Variants in FARP1 observed in about 807,000 individuals in gnomAD.
FARP1 encodes the protein FERM, ARH/RhoGEF and pleckstrin domain protein 1, also known as FERM, ARHGEF and pleckstrin domain-containing protein 1.
A neutral mutation model predicts 128.8 loss-of-function variants in FARP1; 52 were observed. The ratio of observed to expected loss-of-function variants is 0.40; its 90% confidence interval spans 0.32 to 0.51. The LOEUF (loss-of-function observed/expected upper bound fraction) is 0.51. Among genes scored for constraint, FARP1 ranks in the 20% least tolerant of loss-of-function variants. The pLI is 0.45. For synonymous variants in FARP1, 580 were observed against 551.8 expected (o/e 1.05, Z -0.72); for missense variants, 1,333 against 1,367.9 (o/e 0.97, Z 0.40).
At chr13:98,210,300 C>T (rs1221009316) in intron 1 of FARP1, among the ~76,000 whole-genome samples, 1 of 151,976 alleles carries the variant, frequency 6.6e-6, no homozygotes, top group Non-Finnish European at 1.5e-5. Flanking sequence ...CACCATTGGG[C>T]CTGATGGTTC....
At chr13:98,197,995 C>T (rs2099906814) in intron 1 of FARP1, among the ~76,000 whole-genome samples, 1 of 152,138 alleles carries the variant, frequency 6.6e-6, no homozygotes, top group South Asian at 2.1e-4. Flanking sequence ...TGGAAACAAA[C>T]AATAATTCTT....
In FARP1 at chr13:98,410,789, G is replaced by A. The variant is rs377653936; in HGVS notation, c.1658G>A (p.Arg553Gln). 6.2e-6 allele frequency: 10 copies of A among 1,600,962 alleles called. No homozygotes were observed. The highest frequency in any genetic ancestry group is 2.2e-5 in the East Asian group (1 of 44,786). ...GCTAAGGAAGTGTCTACCACCGAGCGAACATATCTGAAGGATCTCGAAGTT... is the reference window on the plus strand; with the variant it reads ...GCTAAGGAAGTGTCTACCACCGAGCAAACATATCTGAAGGATCTCGAAGTT... ...FIAKEVSTTE[R>Q]TYLKDLEVIT... The change falls in exon 15 of 27, where the codon CGA (arginine) becomes CAA (glutamine). Residue 553 changes from arginine (R) to glutamine (Q), a missense_variant. By Grantham distance (43) the Arg-to-Gln change is conservative. Transcript: ENST00000319562.
At chr13:98,170,208 G>C (rs1877556591) in intron 1 of FARP1, among the ~76,000 whole-genome samples, 1 of 152,002 alleles carries the variant, frequency 6.6e-6, no homozygotes, top group African/African-American at 2.4e-5. Context: ...TTTTGATACA[G>C]AGTCTTACTC....
chr13:98,442,098 A>G (rs1430955449), intron 24 of FARP1, among the ~76,000 whole-genome samples: 2 of 152,190 alleles, frequency 1.3e-5, no homozygotes, highest in African/African-American at 4.8e-5. Context: ...TTTTATGTGA[A>G]TGCTCACGTT....
At chr13:98,304,673 C>A (rs1295331855) in intron 2 of FARP1, among the ~76,000 whole-genome samples, 1 of 152,182 alleles carries the variant, frequency 6.6e-6, no homozygotes, top group African/African-American at 2.4e-5. Context: ...CCTTCGCAGA[C>A]CAAACTGATG....
chr13:98,162,188 C>T (rs1876933760), intron 1 of FARP1, among the ~76,000 whole-genome samples: 1 of 152,114 alleles, frequency 6.6e-6, no homozygotes, highest in Non-Finnish European at 1.5e-5. Context: ...GAAAATAGAA[C>T]TGTAGCGGGA....
chr13:98,283,092 T>A (rs1275849613), intron 2 of FARP1, among the ~76,000 whole-genome samples: 1 of 152,226 alleles, frequency 6.6e-6, no homozygotes, highest in African/African-American at 2.4e-5. Flanking sequence ...AAGGACTTTA[T>A]GTGCACTTGA....
intron 25 of FARP1, 92 bp from the exon 26 acceptor site, chr13:98,446,574 C>A: frequency 7.3e-7 from 1 of 1,373,760 alleles, no homozygotes; most frequent in Non-Finnish European, 1.0e-6. Context: ...GCTGCCTGGG[C>A]TCCCAAGTCC....
chr13:98,147,720 G>A (rs1875675079), intron 1 of FARP1, among the ~76,000 whole-genome samples: 1 of 151,910 alleles, frequency 6.6e-6, no homozygotes, highest in African/African-American at 2.4e-5. Flanking sequence ...GTGCAGTGGT[G>A]ATCATGGCTC....
intron 3 of FARP1, among the ~76,000 whole-genome samples, chr13:98,360,090 CTTTTTTTTTTTTTT>C (rs55859311): frequency 1.9e-5 from 2 of 104,614 alleles, no homozygotes; most frequent in Admixed American, 1.1e-4. Flanking sequence ...GATTGTGTTG[CTTTTTTTTTTTTTT>C]TTTTTTTTTT....
intron 13 of FARP1, chr13:98,402,810 C>T (rs566288143): frequency 9.3e-4 from 113 of 120,968 alleles, no homozygotes; most frequent in African/African-American, 2.9e-3. Context: ...CCCTTCTGTT[C>T]TCTCTGTGTG....
intron 18 of FARP1, chr13:98,433,573 T>A (rs988977332): frequency 6.6e-5 from 10 of 152,078 alleles, no homozygotes; most frequent in African/African-American, 2.4e-4. Flanking sequence ...TACAAAAAAT[T>A]TAAAAATTAC....
intron 1 of FARP1, among the ~76,000 whole-genome samples, chr13:98,179,932 T>A (rs1297537159): frequency 1.3e-5 from 2 of 152,146 alleles, no homozygotes; most frequent in African/African-American, 4.8e-5. Context: ...GATTCCCACC[T>A]TTGGTTGTTC....
chr13:98,207,908 C>CACACACACACACA (rs1555327644), intron 1 of FARP1, among the ~76,000 whole-genome samples: 4 of 71,570 alleles, frequency 5.6e-5, no homozygotes, highest in African/African-American at 2.5e-4. Context: ...ACCACCACCT[C>CACACACACACACA]CACACACACA....
Position 98,446,668 on chromosome 13 carries a change from C to T in FARP1, c.2907C>T (p.Asp969=), listed in dbSNP as rs746393591. 3.1e-6 allele frequency: 5 copies of T among 1,614,102 alleles called. No individual in the cohort carries two copies. Among genetic ancestry groups the T allele is most frequent in the Non-Finnish European group, 4.2e-6 (5 of 1,179,996 alleles). ...FCLFFYKSHQ[D]NHPLASLPLL... ...TTTGCTTTGTTTCCCCTTTCCAGGA[C>T]AATCATCCCCTTGCCAGCCTGCCTC... Residue 969 remains aspartate (D), a splice_region_variant and synonymous_variant, in exon 26 of 27, where the codon GAC becomes GAT. Coordinates refer to ENST00000319562, the MANE Select transcript of FARP1 (RefSeq NM_005766.4).
In FARP1 at chr13:98,379,026, A is replaced by C. The variant is rs866482564; in HGVS notation, c.496+1108A>C. On this transcript the variant is annotated intron_variant, in intron 6 of 26. Coordinates refer to ENST00000319562, the MANE Select transcript of FARP1 (RefSeq NM_005766.4). ...ATACAATATATAATCTATATATAAT[A>C]TATATAATATATACAATATGTAATC... Among the ~76,000 whole-genome samples the C allele has an allele frequency of 6.8e-4, 60 of 87,686 alleles. 11 individuals carry two copies. Among genetic ancestry groups the C allele is most frequent in the Non-Finnish European group, 1.7e-4 (9 of 51,932 alleles). The allele number at this position is 87,686 out of a possible 152,430, so 57.5% of individuals were successfully genotyped here.
At chr13:98,181,583 C>T (rs1419222785) in intron 1 of FARP1, among the ~76,000 whole-genome samples, 2 of 149,938 alleles carry the variant, frequency 1.3e-5, no homozygotes, top group East Asian at 2.0e-4. Context: ...TAAATCTTAC[C>T]ATTTAGAAAT....
chr13:98,358,150 T>G (rs954352471), intron 3 of FARP1, among the ~76,000 whole-genome samples: 22 of 151,896 alleles, frequency 1.4e-4, no homozygotes, highest in African/African-American at 4.1e-4. Flanking sequence ...AAGTTTTTTT[T>G]GGGTATCTCT....
intron 2 of FARP1, among the ~76,000 whole-genome samples, chr13:98,264,131 G>T (rs994329974): frequency 6.6e-6 from 1 of 152,160 alleles, no homozygotes; most frequent in African/African-American, 2.4e-5. Flanking sequence ...GTGCTAACCT[G>T]CAAAACGGTG....
Sources: allele counts gnomAD v4.1 joint callset (sites outside exome capture counted in the v4.1 genomes callset), GRCh38; gene constraint gnomAD v4.1.1; transcripts MANE v1.5; gene names NCBI Gene and HGNC (gene_info 2026-07-23, HGNC 2026-07-21).